PLCG2: variants seen among roughly 807,000 people sequenced by gnomAD.
The protein encoded by PLCG2 is 1-phosphatidylinositol 4,5-bisphosphate phosphodiesterase gamma-2.
In PLCG2, 69 loss-of-function variants were observed where a neutral mutation model predicts 175.6. That is an observed-to-expected ratio of 0.39 (90% CI 0.32 to 0.48). The LOEUF is 0.48. Ranked by LOEUF, PLCG2 falls within the 20% of genes least tolerant of loss-of-function variation. The pLI is 0.91. For synonymous variants in PLCG2, 827 were observed against 624.0 expected, an observed-to-expected ratio of 1.33 and a Z score of -4.85; for missense variants, 1,798 against 1,650.9, an observed-to-expected ratio of 1.09 and a Z score of -1.54.
At chr16:81,941,642 TGTAA>T (rs1910944621) in intron 30 of PLCG2, among the ~76,000 whole-genome samples, 1 of 152,032 alleles carries the variant, frequency 6.6e-6, no homozygotes, top group Admixed American at 6.6e-5. Flanking sequence ...AGTATTCATT[TGTAA>T]GAGGCCTGAT....
At chr16:81,880,807 T>C in intron 7 of PLCG2, 103 bp from the exon 8 acceptor site, 1 of 968,998 alleles carries the variant, frequency 1.0e-6, no homozygotes, top group Non-Finnish European at 1.6e-6. Flanking sequence ...ATGATCTTGT[T>C]GCATCTGACA....
chr16:81,774,805 A>G (rs979756543), upstream of PLCG2, among the ~76,000 whole-genome samples: 1 of 151,076 alleles, frequency 6.6e-6, no homozygotes, highest in African/African-American at 2.4e-5. Context: ...GTGGCACATG[A>G]TCTCGGCTCA....
At chr16:81,834,439 G>C (rs1407732752) in intron 2 of PLCG2, among the ~76,000 whole-genome samples, 2 of 152,212 alleles carry the variant, frequency 1.3e-5, no homozygotes, top group Non-Finnish European at 2.9e-5. Flanking sequence ...GCAGGACTCA[G>C]ACCCCAGCTT....
Position 81,923,586 on chromosome 16 carries a change from C to T in PLCG2, c.2409C>T (p.Pro803=), listed in dbSNP as rs774918375. Residue 803 remains proline (P), a synonymous_variant, in exon 22 of 33, where the codon CCC becomes CCT. Transcript: ENST00000564138. ...GALIHNVSKE[P]GGWWKGDYGT... ...TCATCCACAATGTCTCCAAGGAGCCCGGGGGCTGGTAAGGCTGAGTGGAGG... is the reference window on the plus strand; with the variant it reads ...TCATCCACAATGTCTCCAAGGAGCCTGGGGGCTGGTAAGGCTGAGTGGAGG... The T allele has an allele frequency of 9.3e-6, 15 of 1,606,644 alleles. No homozygotes were observed. The highest frequency in any genetic ancestry group is 3.3e-5 in the South Asian group (3 of 90,834).
chr16:81,908,352 C>G, intron 16 of PLCG2, 64 bp from the exon 17 acceptor site: 1 of 1,445,338 alleles, frequency 6.9e-7, no homozygotes, highest in Non-Finnish European at 9.6e-7. Context: ...ACAGAAGGAC[C>G]TGTCTAGTGA....
intron 1 of PLCG2, among the ~76,000 whole-genome samples, chr16:81,748,713 C>T (rs1909750636): frequency 6.6e-6 from 1 of 152,186 alleles, no homozygotes; most frequent in African/African-American, 2.4e-5. Context: ...AGACTCGGAT[C>T]TCCTATTCCC....
chr16:81,907,467 A>T (rs1466189296), intron 15 of PLCG2, among the ~76,000 whole-genome samples: 3 of 152,262 alleles, frequency 2.0e-5, no homozygotes, highest in African/African-American at 7.2e-5. Flanking sequence ...AAGTCCAAAA[A>T]GAAGCTCAAA....
At chr16:81,805,596 G>A (rs374465838) in intron 2 of PLCG2, among the ~76,000 whole-genome samples, 2 of 150,164 alleles carry the variant, frequency 1.3e-5, no homozygotes, top group Admixed American at 6.6e-5. Flanking sequence ...AAAAGTGGGC[G>A]AAAGATCTGA....
chr16:81,849,576 T>G (rs914199659), intron 2 of PLCG2, among the ~76,000 whole-genome samples: 59 of 152,040 alleles, frequency 3.9e-4, no homozygotes, highest in African/African-American at 1.3e-3. Flanking sequence ...CTGACCTATA[T>G]GGTGAAACCC....
At chr16:81,864,400 C>T (rs1350288726) in intron 5 of PLCG2, among the ~76,000 whole-genome samples, 4 of 152,314 alleles carry the variant, frequency 2.6e-5, no homozygotes, top group Non-Finnish European at 4.4e-5. Context: ...AGGGGCTCAG[C>T]AGCCCCGTGT....
intron 2 of PLCG2, among the ~76,000 whole-genome samples, chr16:81,823,928 C>T (rs12932436): frequency 0.69 from 101,821 of 147,186 alleles, 35,323 homozygotes; most frequent in East Asian, 0.91. Context: ...TCCTTTCTTC[C>T]TTCCTTCCTC....
chr16:81,918,972 G>T (rs958808687), intron 19 of PLCG2, among the ~76,000 whole-genome samples: 3 of 152,076 alleles, frequency 2.0e-5, no homozygotes, highest in Admixed American at 6.6e-5. Flanking sequence ...TTTGAGGTGG[G>T]GGGGATTGGC....
intron 1 of PLCG2, among the ~76,000 whole-genome samples, chr16:81,751,737 A>G (rs1909816197): frequency 6.6e-6 from 1 of 152,116 alleles, no homozygotes; most frequent in Non-Finnish European, 1.5e-5. Context: ...AATATGTAAA[A>G]GAGTCCGGGT....
At chr16:81,834,388 C>T (rs549919646) in intron 2 of PLCG2, among the ~76,000 whole-genome samples, 3 of 152,210 alleles carry the variant, frequency 2.0e-5, no homozygotes, top group African/African-American at 7.2e-5. Flanking sequence ...CAGGAGCCGG[C>T]GCGGGTGGTG....
intron 19 of PLCG2, among the ~76,000 whole-genome samples, chr16:81,916,644 T>G (rs967163847): frequency 2.0e-5 from 3 of 151,962 alleles, no homozygotes; most frequent in Non-Finnish European, 4.4e-5. Context: ...ATACAGGACA[T>G]ATTTTTTTTT....
intron 7 of PLCG2, among the ~76,000 whole-genome samples, chr16:81,871,297 T>C (rs1267255202): frequency 6.6e-6 from 1 of 152,202 alleles, no homozygotes; most frequent in Non-Finnish European, 1.5e-5. Context: ...TTAATAGCCA[T>C]CTCCAGATTG....
intron 1 of PLCG2, chr16:81,783,034 G>GT (rs1275889877): frequency 4.6e-5 from 20 of 437,588 alleles, no homozygotes; most frequent in Non-Finnish European, 8.6e-5. Flanking sequence ...GAAGCTGGAA[G>GT]TAACTGGGAC....
In PLCG2 at chr16:81,807,967, C is replaced by A. The variant is rs571630007; in HGVS notation, c.193+21785C>A. On this transcript the variant is annotated intron_variant, in intron 2 of 32. Coordinates refer to ENST00000564138, the MANE Select transcript of PLCG2 (RefSeq NM_002661.5). The stretch of plus-strand genomic sequence containing the variant: ...TAATGAGCAATTCATCCCCATGATC[C>A]AGTCACCTTCCACCAGACCCCACCT... Among the ~76,000 whole-genome samples, 3 of 152,376 alleles carry A rather than the reference C, an allele frequency of 2.0e-5. No homozygotes were observed. The East Asian group carries it at 5.8e-4, about 29-fold the overall frequency.
chr16:81,796,232 A>G (rs1045199160), intron 2 of PLCG2, among the ~76,000 whole-genome samples: 3 of 152,166 alleles, frequency 2.0e-5, no homozygotes, highest in African/African-American at 7.2e-5. Flanking sequence ...GGTTTCTCTC[A>G]CAGATGTGGC....
Sources: allele counts gnomAD v4.1 joint callset (sites outside exome capture counted in the v4.1 genomes callset), GRCh38; gene constraint gnomAD v4.1.1; transcripts MANE v1.5; gene names NCBI Gene and HGNC (gene_info 2026-07-23, HGNC 2026-07-21).